Variants in PYHIN1 observed in about 807,000 individuals in gnomAD.
The protein encoded by PYHIN1 is pyrin and HIN domain-containing protein 1.
Under a neutral mutation model 43.7 loss-of-function variants are expected in PYHIN1, and 32 were observed. The observed-to-expected ratio is 0.73, with a 90% CI of 0.55 to 0.98. The LOEUF is 0.98. Ranked by LOEUF, PYHIN1 falls within the 50% of genes least tolerant of loss-of-function variation. The pLI, the probability that PYHIN1 is intolerant of heterozygous loss-of-function variation, is 0.00. For missense variants in PYHIN1, 588 were observed against 589.5 expected (o/e 1.00, Z 0.03); for synonymous variants, 205 against 203.1 (o/e 1.01, Z -0.08).
chr1:158,934,457 G>C (rs2101638354), intron 1 of PYHIN1, among the ~76,000 whole-genome samples: 1 of 152,054 alleles, frequency 6.6e-6, no homozygotes, highest in South Asian at 2.1e-4. Context: ...TTGTTGTTGA[G>C]AATCAGTTTC....
At chr1:158,968,279 G>A (rs114130757) in intron 7 of PYHIN1, among the ~76,000 whole-genome samples, 1,590 of 152,030 alleles carry the variant, frequency 0.01, 36 homozygotes, top group African/African-American at 0.037. Context: ...TTAAAAAGTG[G>A]GCAAAGGATG....
chr1:158,984,285 T>C, the PYHIN1 span, among the ~76,000 whole-genome samples: 1 of 152,068 alleles, frequency 6.6e-6, no homozygotes, highest in Non-Finnish European at 1.5e-5. Flanking sequence ...AGGCCTTTAG[T>C]GCTATAAACT....
intron 7 of PYHIN1, among the ~76,000 whole-genome samples, chr1:158,970,688 C>A (rs530880973): frequency 1.4e-5 from 2 of 146,508 alleles, no homozygotes; most frequent in African/African-American, 5.0e-5. Flanking sequence ...ACAACTGGGT[C>A]AACATAAAGC....
chr1:158,961,147 TC>T (rs1021056303), intron 7 of PYHIN1, among the ~76,000 whole-genome samples: 4 of 152,178 alleles, frequency 2.6e-5, no homozygotes, highest in African/African-American at 4.8e-5. Flanking sequence ...ATGTATATTA[TC>T]ACATCTCTTT....
intron 7 of PYHIN1, among the ~76,000 whole-genome samples, chr1:158,968,439 AAAT>A (rs977970480): frequency 7.9e-4 from 121 of 152,274 alleles, no homozygotes; most frequent in African/African-American, 2.8e-3. Flanking sequence ...AAAAGTCAAA[AAAT>A]AACAGATACT....
downstream of PYHIN1, among the ~76,000 whole-genome samples, chr1:158,977,759 C>T (rs764232508): frequency 2.0e-5 from 3 of 152,204 alleles, no homozygotes; most frequent in Middle Eastern, 3.4e-3. Flanking sequence ...GAAAAAAGGG[C>T]ACAGAAAGCA....
chr1:158,940,794 G>A (rs369683421), intron 4 of PYHIN1, among the ~76,000 whole-genome samples: 2 of 152,066 alleles, frequency 1.3e-5, no homozygotes, highest in African/African-American at 4.8e-5. Context: ...TTAACTTTAC[G>A]TGAAATTCCA....
At chr1:158,980,837 C>T (rs1191732303), downstream of PYHIN1, among the ~76,000 whole-genome samples, 1 of 152,046 alleles carries the variant, frequency 6.6e-6, no homozygotes, top group Non-Finnish European at 1.5e-5. Context: ...CTGCTTTTTG[C>T]CCTTTAAAGC....
rs769303303 is a variant in PYHIN1 at position 158,938,452 on chromosome 1, G to T, written c.321G>T (p.Thr107=). ...PVKGIIPSKK[T]KQKEVYPATP... ...AAGGAATAATCCCATCTAAAAAGAC[G>T]AAACAGAAAGAAGTGTATCCTGCTA... is the stretch of plus-strand genomic sequence containing the variant. Residue 107 remains threonine (T), a synonymous_variant, in exon 3 of 9, where the codon ACG becomes ACT. Coordinates refer to ENST00000368140, the MANE Select transcript of PYHIN1 (RefSeq NM_152501.5). 6 of 1,614,100 alleles carry T rather than the reference G, an allele frequency of 3.7e-6. No homozygotes were observed. Among genetic ancestry groups the T allele is most frequent in the Non-Finnish European group, 5.1e-6 (6 of 1,179,996 alleles).
intron 7 of PYHIN1, among the ~76,000 whole-genome samples, chr1:158,961,774 C>T (rs902471998): frequency 1.1e-4 from 17 of 152,140 alleles, no homozygotes; most frequent in Non-Finnish European, 2.4e-4. Flanking sequence ...TGGGCAGAGC[C>T]ACCACTCAGG....
chr1:158,938,301 C>G (rs1402515014), intron 2 of PYHIN1, 96 bp from the exon 3 acceptor site: 2 of 1,340,398 alleles, frequency 1.5e-6, no homozygotes, highest in African/African-American at 2.9e-5. Context: ...CACCTGAACC[C>G]TCAAGCAGGA....
intron 7 of PYHIN1, 103 bp downstream of exon 7, chr1:158,945,145 T>A: frequency 8.5e-7 from 1 of 1,181,856 alleles, no homozygotes; most frequent in Non-Finnish European, 1.2e-6. Context: ...CTGTGTACAA[T>A]CTCTAGATAA....
At chr1:158,931,995 T>G (rs1043420475) in intron 1 of PYHIN1, among the ~76,000 whole-genome samples, 1 of 152,218 alleles carries the variant, frequency 6.6e-6, no homozygotes, top group South Asian at 2.1e-4. Context: ...AACTGGGGCA[T>G]GAATGAAGGA....
At chr1:158,931,877 G>A (rs1648183713) in intron 1 of PYHIN1, 101 bp downstream of exon 1, 1 of 152,178 alleles carries the variant, frequency 6.6e-6, no homozygotes, top group Non-Finnish European at 1.5e-5. Context: ...AGGGCAGTGG[G>A]GTGAGGGCAG....
intron 7 of PYHIN1, among the ~76,000 whole-genome samples, chr1:158,965,927 A>G (rs774851837): frequency 4.6e-5 from 7 of 152,076 alleles, no homozygotes; most frequent in Non-Finnish European, 7.4e-5. Flanking sequence ...AAAAAAACAG[A>G]CAAAGATCAA....
At chr1:158,938,366 G>T in intron 2 of PYHIN1, 31 bp from the exon 3 acceptor site, 1 of 1,613,048 alleles carries the variant, frequency 6.2e-7, no homozygotes, top group South Asian at 1.1e-5. Context: ...ATCTGCTCTG[G>T]GTTTATACAT....
intron 7 of PYHIN1, among the ~76,000 whole-genome samples, chr1:158,956,580 A>G (rs1649946637): frequency 6.6e-6 from 1 of 151,878 alleles, no homozygotes; most frequent in East Asian, 1.9e-4. Flanking sequence ...CTCTCAATAA[A>G]TTAGGTACTG....
intron 7 of PYHIN1, among the ~76,000 whole-genome samples, chr1:158,948,667 CCATACTAGCAGTTG>C (rs1649355291): frequency 6.6e-6 from 1 of 152,160 alleles, no homozygotes; most frequent in Non-Finnish European, 1.5e-5. Flanking sequence ...GATGCAACAG[CCATACTAGCAGTTG>C]CCAGGATGAC....
chr1:158,965,119 C>T (rs1277104974), intron 7 of PYHIN1, among the ~76,000 whole-genome samples: 1 of 151,760 alleles, frequency 6.6e-6, no homozygotes, highest in Non-Finnish European at 1.5e-5. Context: ...GACTTTAAAC[C>T]AACAAAGAGT....
Sources: allele counts gnomAD v4.1 joint callset (sites outside exome capture counted in the v4.1 genomes callset), GRCh38; gene constraint gnomAD v4.1.1; transcripts MANE v1.5; gene names NCBI Gene and HGNC (gene_info 2026-07-23, HGNC 2026-07-21).